Variants in RBFOX1 observed in about 807,000 individuals in gnomAD.
The protein encoded by RBFOX1 is RNA binding protein fox-1 homolog 1.
In RBFOX1, 8 loss-of-function variants were observed where a neutral mutation model predicts 57.7. The ratio of observed to expected loss-of-function variants is 0.14; its 90% CI spans 0.08 to 0.25. RBFOX1 has a LOEUF of 0.25. Ranked by LOEUF, RBFOX1 falls within the 10% of genes least tolerant of loss-of-function variation. The pLI, the probability that RBFOX1 is intolerant of heterozygous loss-of-function variation, is 1.00. For missense variants in RBFOX1, 611 were observed against 548.5 expected (o/e 1.11, Z -1.14); for synonymous variants, 326 against 222.4 (o/e 1.47, Z -4.15).
chr16:6,776,675 G>A (rs1363195501), intron 3 of RBFOX1, among the ~76,000 whole-genome samples: 1 of 152,102 alleles, frequency 6.6e-6, no homozygotes, highest in Non-Finnish European at 1.5e-5. Context: ...TATTATAAAG[G>A]TAACAAGGTT....
At chr16:6,971,684 A>C (rs1312163506) in intron 3 of RBFOX1, among the ~76,000 whole-genome samples, 5 of 152,078 alleles carry the variant, frequency 3.3e-5, no homozygotes. Flanking sequence ...GATAGAGATG[A>C]CTGTTGTTGG....
At chr16:6,757,387 A>G (rs970120896) in intron 3 of RBFOX1, among the ~76,000 whole-genome samples, 3 of 152,202 alleles carry the variant, frequency 2.0e-5, no homozygotes, top group Non-Finnish European at 4.4e-5. Context: ...AAGATATAAA[A>G]TCAACCTAAG....
At chr16:7,606,066 C>T (rs1489325864) in intron 9 of RBFOX1, among the ~76,000 whole-genome samples, 1 of 151,606 alleles carries the variant, frequency 6.6e-6, no homozygotes, top group Admixed American at 6.6e-5. Flanking sequence ...CTGCCTTGGC[C>T]TCTCAAAGTG....
intron 3 of RBFOX1, among the ~76,000 whole-genome samples, chr16:6,868,242 G>A (rs573161484): frequency 1.3e-5 from 2 of 152,026 alleles, no homozygotes; most frequent in African/African-American, 4.8e-5. Flanking sequence ...AATACTTCGT[G>A]GTCTGCAGCA....
chr16:6,987,889 C>G (rs17141953), intron 3 of RBFOX1, among the ~76,000 whole-genome samples: 3 of 152,032 alleles, frequency 2.0e-5, no homozygotes, highest in East Asian at 1.9e-4. Flanking sequence ...TATCCCTATT[C>G]GGGTCAGAAA....
intron 4 of RBFOX1, among the ~76,000 whole-genome samples, chr16:7,115,525 G>C (rs538961614): frequency 8.5e-5 from 13 of 152,142 alleles, no homozygotes; most frequent in Non-Finnish European, 1.6e-4. Context: ...ATAGTGTCAA[G>C]GCTCTCTTTG....
At chr16:5,759,879 C>G (rs537903480) in intron 3 of RBFOX1, among the ~76,000 whole-genome samples, 2 of 152,170 alleles carry the variant, frequency 1.3e-5, no homozygotes, top group Non-Finnish European at 2.9e-5. Flanking sequence ...ATCAAACGGC[C>G]TTAATGCTGC....
At chr16:6,574,777 G>A (rs1399312150) in intron 2 of RBFOX1, among the ~76,000 whole-genome samples, 4 of 145,304 alleles carry the variant, frequency 2.8e-5, no homozygotes, top group African/African-American at 7.5e-5. Context: ...GGTGGCTCAC[G>A]CCTGTAATCC....
intron 3 of RBFOX1, among the ~76,000 whole-genome samples, chr16:6,719,648 A>G (rs879789777): frequency 4.0e-5 from 6 of 151,134 alleles, no homozygotes; most frequent in South Asian, 2.1e-4. Context: ...GGGTTTCACC[A>G]TGTTAGCTAG....
At chr16:5,853,284 C>T (rs568627936) in intron 3 of RBFOX1, among the ~76,000 whole-genome samples, 3 of 152,290 alleles carry the variant, frequency 2.0e-5, no homozygotes, top group African/African-American at 4.8e-5. Context: ...CCCTCACCTC[C>T]TGAGAACGGC....
intron 1 of RBFOX1, among the ~76,000 whole-genome samples, chr16:5,329,951 C>G (rs1432919340): frequency 6.6e-6 from 1 of 151,064 alleles, no homozygotes; most frequent in Non-Finnish European, 1.5e-5. Context: ...CCACTGCACT[C>G]CAGCCTGGGT....
At chr16:7,057,548 A>C (rs1227263847) in intron 4 of RBFOX1, among the ~76,000 whole-genome samples, 2 of 152,182 alleles carry the variant, frequency 1.3e-5, no homozygotes, top group African/African-American at 4.8e-5. Flanking sequence ...TCCTCGTTAC[A>C]AATTCCTGGA....
intron 3 of RBFOX1, among the ~76,000 whole-genome samples, chr16:6,804,263 C>T (rs2086185445): frequency 6.6e-6 from 1 of 151,836 alleles, no homozygotes; most frequent in Non-Finnish European, 1.5e-5. Flanking sequence ...CCACCTCAGC[C>T]TCCCAAAGTC....
At chr16:5,637,082 C>A (rs552712039) in intron 3 of RBFOX1, among the ~76,000 whole-genome samples, 1 of 152,228 alleles carries the variant, frequency 6.6e-6, no homozygotes, top group African/African-American at 2.4e-5. Flanking sequence ...CCCTTATTAT[C>A]TCTGCATCAT....
rs377667051 is a variant in RBFOX1 at position 7,595,234 on chromosome 16, T to C, written c.469-315T>C. ...TTCATTTTATTCTCTGTGAAGACACTGTAAATTTATTTTGATCTCATTTTC... is the reference window on the plus strand; with the variant it reads ...TTCATTTTATTCTCTGTGAAGACACCGTAAATTTATTTTGATCTCATTTTC... On this transcript the variant is annotated intron_variant, in intron 7 of 15. Transcript: ENST00000550418. 3.3e-5 allele frequency among the ~76,000 whole-genome samples: 5 copies of C among 152,350 alleles called. No individual in the cohort carries two copies. In the East Asian group the frequency reaches 9.6e-4, roughly 29 times the overall value.
chr16:6,440,012 C>G lies in RBFOX1; in HGVS notation c.-64+122955C>G, dbSNP rs79145110. On this transcript the variant is annotated intron_variant, in intron 2 of 15. Coordinates refer to ENST00000550418, the MANE Select transcript of RBFOX1 (RefSeq NM_018723.4). ...ACCCAGGCTGGAGTGCCTCAGCTCA[C>G]TGCAACTTCCTTCTCCTGGGTTCAA... Among the ~76,000 whole-genome samples the G allele has an allele frequency of 5.1e-3, 476 of 93,054 alleles. 18 individuals carry two copies. In the East Asian group the frequency reaches 0.13, roughly 25 times the overall value. The allele number at this position is 93,054 out of a possible 152,430, so 61.0% of individuals were successfully genotyped here. A position where few individuals can be genotyped will look rare whatever the true frequency, so the allele number is the denominator to read the frequency against.
intron 1 of RBFOX1, among the ~76,000 whole-genome samples, chr16:6,227,561 ACCTTCCAGCCACACGCCCTTCT>A (rs2097427423): frequency 1.3e-5 from 2 of 151,968 alleles, no homozygotes; most frequent in African/African-American, 4.8e-5. Context: ...GCTTGTACAC[ACCTTCCAGCCACACGCCCTTCT>A]CCTTTCAGGC....
intron 2 of RBFOX1, among the ~76,000 whole-genome samples, chr16:5,558,823 G>T (rs2045778512): frequency 6.6e-6 from 1 of 152,114 alleles, no homozygotes. Flanking sequence ...GCATGCAAAG[G>T]TGTCAGAAAA....
At chr16:6,378,515 CA>C (rs1281656874) in intron 2 of RBFOX1, among the ~76,000 whole-genome samples, 9 of 152,212 alleles carry the variant, frequency 5.9e-5, no homozygotes, top group African/African-American at 2.2e-4. Context: ...AGTCAGAGCA[CA>C]CACAGCCATC....
Sources: allele counts gnomAD v4.1 joint callset (sites outside exome capture counted in the v4.1 genomes callset), GRCh38; gene constraint gnomAD v4.1.1; transcripts MANE v1.5; gene names NCBI Gene and HGNC (gene_info 2026-07-23, HGNC 2026-07-21).